Variants in KHDRBS2 observed in about 807,000 individuals in gnomAD.
The protein encoded by KHDRBS2 is KH domain-containing, RNA-binding, signal transduction-associated protein 2.
A neutral mutation model predicts 44.3 loss-of-function variants in KHDRBS2; 26 were observed. That is an observed-to-expected ratio of 0.59 (90% CI 0.43 to 0.81). The LOEUF (loss-of-function observed/expected upper bound fraction) is 0.81. Among genes scored for constraint, KHDRBS2 ranks in the 40% least tolerant of loss-of-function variants. The pLI is 0.00. For missense variants in KHDRBS2, 476 were observed against 433.1 expected (o/e 1.10, Z -0.88); for synonymous variants, 194 against 151.1 (o/e 1.28, Z -2.08).
At chr6:61,822,605 T>A (rs1790111313) in intron 6 of KHDRBS2, among the ~76,000 whole-genome samples, 1 of 151,996 alleles carries the variant, frequency 6.6e-6, no homozygotes, top group Non-Finnish European at 1.5e-5. Flanking sequence ...TAGGATGAAG[T>A]CTAACTTCTT....
the KHDRBS2 span, among the ~76,000 whole-genome samples, chr6:61,662,455 A>G: frequency 6.6e-6 from 1 of 152,078 alleles, no homozygotes; most frequent in South Asian, 2.1e-4. Context: ...ATCAGAGTGA[A>G]CAGGCAACCT....
chr6:61,980,779 T>G (rs1773671182), intron 3 of KHDRBS2, among the ~76,000 whole-genome samples: 2 of 152,218 alleles, frequency 1.3e-5, no homozygotes, highest in South Asian at 4.1e-4. Flanking sequence ...ACCACAACTC[T>G]GCAGGACAGA....
chr6:61,633,953 T>G, the KHDRBS2 span, among the ~76,000 whole-genome samples: 113 of 152,058 alleles, frequency 7.4e-4, no homozygotes, highest in African/African-American at 2.7e-3. Flanking sequence ...ATTAATACTG[T>G]AATTAATATT....
intron 1 of KHDRBS2, among the ~76,000 whole-genome samples, chr6:62,197,852 G>A (rs1025950658): frequency 4.6e-5 from 7 of 152,058 alleles, no homozygotes; most frequent in African/African-American, 1.2e-4. Flanking sequence ...GCACTCCTCA[G>A]CAAACGTAAA....
intron 2 of KHDRBS2, among the ~76,000 whole-genome samples, chr6:62,059,488 C>T (rs557484616): frequency 4.6e-5 from 7 of 151,048 alleles, no homozygotes; most frequent in Non-Finnish European, 7.4e-5. Context: ...TAAGACATGG[C>T]AATTTATTAT....
chr6:62,067,597 C>T (rs1192195955), intron 2 of KHDRBS2, among the ~76,000 whole-genome samples: 1 of 151,332 alleles, frequency 6.6e-6, no homozygotes, highest in Non-Finnish European at 1.5e-5. Flanking sequence ...GTTTACGTAC[C>T]ATAAAATTAG....
chr6:61,790,483 C>T (rs906308322), intron 6 of KHDRBS2, among the ~76,000 whole-genome samples: 19 of 150,012 alleles, frequency 1.3e-4, no homozygotes, highest in African/African-American at 4.4e-4. Context: ...GGCAATTCAA[C>T]TTAACAAGCT....
In KHDRBS2 at chr6:62,145,444, A is replaced by G. The variant is rs182603937; in HGVS notation, c.219+31741T>C. 1.9e-4 allele frequency among the ~76,000 whole-genome samples: 29 copies of G among 151,882 alleles called. No homozygotes were observed. The East Asian group carries it at 5.2e-3, about 27-fold the overall frequency. ...TTAATAGAAGTAATTTATGATAATGACTTTTGTATGAGAAAAATTTTGCCA... is the reference window on the plus strand; with the variant it reads ...TTAATAGAAGTAATTTATGATAATGGCTTTTGTATGAGAAAAATTTTGCCA... On this transcript the variant is annotated intron_variant, in intron 2 of 8. Transcript: ENST00000281156.
chr6:61,697,745 G>T (rs566298218), intron 7 of KHDRBS2, among the ~76,000 whole-genome samples: 2 of 152,008 alleles, frequency 1.3e-5, no homozygotes, highest in South Asian at 4.2e-4. Flanking sequence ...TGTTTCACTC[G>T]ATATTTTGCT....
intron 3 of KHDRBS2, among the ~76,000 whole-genome samples, chr6:62,045,583 C>A (rs1284025927): frequency 6.6e-6 from 1 of 151,948 alleles, no homozygotes; most frequent in Non-Finnish European, 1.5e-5. Flanking sequence ...GAGAGGAAGA[C>A]CTTGTATTCA....
the KHDRBS2 span, among the ~76,000 whole-genome samples, chr6:61,623,355 G>T: frequency 6.6e-6 from 1 of 152,138 alleles, no homozygotes; most frequent in Non-Finnish European, 1.5e-5. Context: ...GGGTAAGTAT[G>T]CAGTATGGTA....
At chr6:62,270,124 CCA>C in intron 1 of KHDRBS2, among the ~76,000 whole-genome samples, 1 of 152,012 alleles carries the variant, frequency 6.6e-6, no homozygotes, top group Non-Finnish European at 1.5e-5. Context: ...AAAATGTGAT[CCA>C]CAGTGTTGGA....
intron 1 of KHDRBS2, among the ~76,000 whole-genome samples, chr6:62,216,211 G>T (rs1208958218): frequency 6.6e-6 from 1 of 151,478 alleles, no homozygotes; most frequent in Non-Finnish European, 1.5e-5. Context: ...AAGAAAACTC[G>T]CTTTCAAGGA....
chr6:62,153,926 C>T (rs1815791584), intron 2 of KHDRBS2, among the ~76,000 whole-genome samples: 1 of 152,194 alleles, frequency 6.6e-6, no homozygotes, highest in Non-Finnish European at 1.5e-5. Context: ...TTATCCACCA[C>T]CTGCCTATCC....
At chr6:61,551,179 G>A in the KHDRBS2 span, among the ~76,000 whole-genome samples, 39 of 152,202 alleles carry the variant, frequency 2.6e-4, no homozygotes, top group Admixed American at 2.0e-3. Context: ...TTTGAAAAGC[G>A]TCTGTTGTCC....
chr6:61,951,674 G>C (rs1212407400), intron 4 of KHDRBS2, among the ~76,000 whole-genome samples: 4 of 151,998 alleles, frequency 2.6e-5, no homozygotes, highest in Admixed American at 6.6e-5. Flanking sequence ...AGAAAAATCA[G>C]TGTACAGTGT....
At chr6:61,749,476 G>A (rs996319737) in intron 6 of KHDRBS2, among the ~76,000 whole-genome samples, 4 of 152,130 alleles carry the variant, frequency 2.6e-5, no homozygotes, top group African/African-American at 9.7e-5. Flanking sequence ...AAAAGCCAAA[G>A]CACTTAGATT....
At chr6:61,654,312 A>G in the KHDRBS2 span, among the ~76,000 whole-genome samples, 1 of 152,002 alleles carries the variant, frequency 6.6e-6, no homozygotes, top group Non-Finnish European at 1.5e-5. Context: ...AAACATAGAA[A>G]AATACTTTCT....
chr6:61,986,772 T>A (rs112692999), intron 3 of KHDRBS2, among the ~76,000 whole-genome samples: 143 of 152,266 alleles, frequency 9.4e-4, no homozygotes, highest in African/African-American at 3.3e-3. Flanking sequence ...CTCCCACACA[T>A]GGCAGAAGAG....
Sources: gnomAD v4.1 joint callset for allele counts (sites outside exome capture counted in the v4.1 genomes callset) on GRCh38, gnomAD v4.1.1 for gene constraint, MANE v1.5 for transcripts, NCBI Gene and HGNC (gene_info 2026-07-23, HGNC 2026-07-21) for gene names.